ZNF804B: variants seen among roughly 807,000 people sequenced by gnomAD.
The protein encoded by ZNF804B is zinc finger 804B.
In ZNF804B, 80 loss-of-function variants were observed where a neutral mutation model predicts 101.4. The ratio of observed to expected loss-of-function variants is 0.79; its 90% CI spans 0.66 to 0.95. The LOEUF is 0.95. ZNF804B is among the 40% of genes least tolerant of loss of function. ZNF804B has a pLI of 0.00. For synonymous variants in ZNF804B, 622 were observed against 558.8 expected (o/e 1.11, Z -1.59); for missense variants, 1,673 against 1,561.9 (o/e 1.07, Z -1.20).
chr7:88,783,729 T>C (rs2115665918), intron 1 of ZNF804B, among the ~76,000 whole-genome samples: 1 of 152,200 alleles, frequency 6.6e-6, no homozygotes, highest in Middle Eastern at 3.4e-3. Context: ...TCTTCCATCC[T>C]AAAAAACATG....
intron 1 of ZNF804B, among the ~76,000 whole-genome samples, chr7:89,059,209 A>G (rs553838391): frequency 6.6e-6 from 1 of 152,280 alleles, no homozygotes; most frequent in African/African-American, 2.4e-5. Flanking sequence ...TGTTAGTTTC[A>G]TCACATTAAG....
intron 1 of ZNF804B, among the ~76,000 whole-genome samples, chr7:88,808,968 G>A (rs1181682932): frequency 6.6e-6 from 1 of 152,092 alleles, no homozygotes; most frequent in Non-Finnish European, 1.5e-5. Context: ...TGGCTAAGAA[G>A]GTAACCTCAA....
chr7:89,245,785 A>C (rs376413091), intron 2 of ZNF804B, among the ~76,000 whole-genome samples: 3 of 152,268 alleles, frequency 2.0e-5, no homozygotes. Context: ...GAAGGAGAAC[A>C]TGAGCAAAAA....
chr7:88,877,429 G>T (rs1049486673), intron 1 of ZNF804B, among the ~76,000 whole-genome samples: 2 of 151,992 alleles, frequency 1.3e-5, no homozygotes, highest in Admixed American at 6.6e-5. Context: ...TAAAAGAGAT[G>T]AAATCTGTAA....
At chr7:88,976,180 A>C (rs1448515807) in intron 1 of ZNF804B, among the ~76,000 whole-genome samples, 1 of 151,614 alleles carries the variant, frequency 6.6e-6, no homozygotes, top group Admixed American at 6.6e-5. Flanking sequence ...GAAGTCAGGT[A>C]ATGTAATTCT....
chr7:89,057,371 G>A lies in ZNF804B; in HGVS notation c.109-160784G>A, dbSNP rs34167648. On this transcript the variant is annotated intron_variant, in intron 1 of 3. Coordinates refer to ENST00000333190, the MANE Select transcript of ZNF804B (RefSeq NM_181646.5). Reference sequence around the variant, plus strand: ...TGGCATGCAATTCTTATCAACCCTGGGGAGGGGGCAGTTTCAAGACTAAAG... The same window carrying A: ...TGGCATGCAATTCTTATCAACCCTGAGGAGGGGGCAGTTTCAAGACTAAAG... Among the ~76,000 whole-genome samples the A allele has an allele frequency of 5.8e-3, 888 of 152,066 alleles. 5 individuals are homozygous for A. Among genetic ancestry groups the A allele is most frequent in the Non-Finnish European group, 8.8e-3 (599 of 67,964 alleles).
chr7:88,993,740 G>A (rs1793881664), intron 1 of ZNF804B, among the ~76,000 whole-genome samples: 3 of 152,048 alleles, frequency 2.0e-5, no homozygotes, highest in African/African-American at 7.2e-5. Flanking sequence ...CTCACTAGAG[G>A]ATTTTGAGAA....
chr7:88,984,496 A>T (rs963473020), intron 1 of ZNF804B, among the ~76,000 whole-genome samples: 2 of 151,752 alleles, frequency 1.3e-5, no homozygotes, highest in African/African-American at 4.8e-5. Context: ...TATTTAATGT[A>T]AGTATATTCA....
chr7:88,960,327 A>G (rs1250346111), intron 1 of ZNF804B, among the ~76,000 whole-genome samples: 1 of 151,352 alleles, frequency 6.6e-6, no homozygotes, highest in African/African-American at 2.4e-5. Flanking sequence ...ACAGAGAACT[A>G]TGATGTAGTT....
intron 2 of ZNF804B, among the ~76,000 whole-genome samples, chr7:89,223,189 C>T (rs776778587): frequency 4.6e-5 from 7 of 151,834 alleles, no homozygotes; most frequent in Non-Finnish European, 8.8e-5. Flanking sequence ...CATGTAGATT[C>T]AGATGAACTA....
intron 1 of ZNF804B, among the ~76,000 whole-genome samples, chr7:88,848,843 G>A (rs375323148): frequency 6.6e-6 from 1 of 152,082 alleles, no homozygotes; most frequent in Non-Finnish European, 1.5e-5. Context: ...GCTTGACAAA[G>A]AGATTTGGAT....
intron 1 of ZNF804B, among the ~76,000 whole-genome samples, chr7:88,857,698 G>C (rs964189082): frequency 5.9e-5 from 9 of 152,070 alleles, no homozygotes; most frequent in African/African-American, 1.9e-4. Context: ...GGAGGAGCTG[G>C]TACCATAACT....
intron 1 of ZNF804B, among the ~76,000 whole-genome samples, chr7:88,991,279 T>C (rs796614322): frequency 1.1e-4 from 16 of 152,308 alleles, no homozygotes; most frequent in African/African-American, 3.8e-4. Context: ...AGATATTGAT[T>C]TCCCTCTGTC....
chr7:89,292,772 A>G (rs1440624933), intron 2 of ZNF804B, among the ~76,000 whole-genome samples: 1 of 152,052 alleles, frequency 6.6e-6, no homozygotes, highest in Non-Finnish European at 1.5e-5. Context: ...ATGTAATGAA[A>G]TAATTGGATG....
In ZNF804B at chr7:89,013,929, C is replaced by T. The variant is rs151325260; in HGVS notation, c.109-204226C>T. Among the ~76,000 whole-genome samples, 350 of 152,242 alleles carry T rather than the reference C, an allele frequency of 2.3e-3. 3 individuals carry two copies. Among genetic ancestry groups the T allele is most frequent in the African/African-American group, 8.1e-3 (335 of 41,560 alleles). On this transcript the variant is annotated intron_variant, in intron 1 of 3. Coordinates refer to ENST00000333190, the MANE Select transcript of ZNF804B (RefSeq NM_181646.5). ...AACCGCAGGGTCATTTATGTCACTG[C>T]GAGTGACAGGTTTCATTCCTTTTTA...
chr7:88,854,527 T>TTTCCTTTCCTTTCCTTTCCTTTCCTTTCC, intron 1 of ZNF804B, among the ~76,000 whole-genome samples: 1 of 40,072 alleles, frequency 2.5e-5, no homozygotes, highest in African/African-American at 1.0e-4. Context: ...CTTTCCTTCC[T>TTTCCTTTCCTTTCCTTTCCTTTCCTTTCC]TTCCTTCCTT....
chr7:88,961,867 A>T (rs1793389858), intron 1 of ZNF804B, among the ~76,000 whole-genome samples: 1 of 151,386 alleles, frequency 6.6e-6, no homozygotes, highest in Admixed American at 6.6e-5. Context: ...ACATTTCATC[A>T]ATCTGGTCTG....
At chr7:88,920,781 T>C (rs939792877) in intron 1 of ZNF804B, among the ~76,000 whole-genome samples, 1 of 152,124 alleles carries the variant, frequency 6.6e-6, no homozygotes, top group Non-Finnish European at 1.5e-5. Flanking sequence ...AATTCATCCA[T>C]GCATATATTT....
chr7:89,243,571 T>C (rs1789400411), intron 2 of ZNF804B, among the ~76,000 whole-genome samples: 1 of 151,884 alleles, frequency 6.6e-6, no homozygotes. Context: ...CTTTATCTGG[T>C]AACCCTACCT....
Sources: gnomAD v4.1 joint callset for allele counts (sites outside exome capture counted in the v4.1 genomes callset) on GRCh38, gnomAD v4.1.1 for gene constraint, MANE v1.5 for transcripts, NCBI Gene and HGNC (gene_info 2026-07-23, HGNC 2026-07-21) for gene names.